The following YIPF2 variants were observed in gnomAD, a reference collection of about 807,000 sequenced individuals.
YIPF2 encodes protein YIPF2.
Under a neutral mutation model 38.8 loss-of-function variants are expected in YIPF2, and 30 were observed. The observed-to-expected ratio is 0.77, with a 90% confidence interval of 0.58 to 1.05. The LOEUF (loss-of-function observed/expected upper bound fraction) is 1.05. Among genes scored for constraint, YIPF2 ranks in the 50% least tolerant of loss-of-function variants. The probability of loss-of-function intolerance (pLI) is 0.00; values close to 1 mark genes in which losing one functional copy is unlikely to be tolerated. For synonymous variants in YIPF2, 194 were observed against 183.8 expected, an observed-to-expected ratio of 1.06 and a Z score of -0.45; for missense variants, 401 against 409.7, an observed-to-expected ratio of 0.98 and a Z score of 0.18.
chr19:10,923,697 A>C lies in YIPF2; in HGVS notation c.652-20T>G, dbSNP rs1189166227. 1 of 1,594,610 alleles carries C rather than the reference A, an allele frequency of 6.3e-7. No individual in the cohort carries two copies. The highest frequency in any genetic ancestry group is 2.3e-5 in the East Asian group (1 of 44,366). On this transcript the variant is annotated intron_variant, in intron 7 of 9. Coordinates refer to ENST00000586748, the MANE Select transcript of YIPF2 (RefSeq NM_001321439.2). ...CAGGACCTGGGAGCAACACGGCGGC[A>C]GGTGACCATGCCAGTCCCCCCAGCC...
intron 7 of YIPF2, 61 bp from the exon 8 acceptor site, chr19:10,923,738 C>G: frequency 6.3e-7 from 1 of 1,577,900 alleles, no homozygotes; most frequent in Non-Finnish European, 8.6e-7. Context: ...CCACTCTGCA[C>G]CAGGCCACCC....
chr19:10,923,713 C>G, intron 7 of YIPF2, 36 bp from the exon 8 acceptor site: 1 of 1,582,192 alleles, frequency 6.3e-7, no homozygotes, highest in Non-Finnish European at 8.6e-7. Flanking sequence ...CCATGCCAGT[C>G]CCCCCAGCCA....
At position 10,923,908 on chromosome 19, in the gene YIPF2, C is replaced by A. The variant is rs772161186; in HGVS notation, c.576G>T (p.Glu192Asp). Residue 192 changes from glutamate to aspartate, a missense_variant, in exon 7 of 10, where the codon GAG (glutamate) becomes GAT (aspartate). Glu to Asp is a conservative substitution (Grantham distance 45, BLOSUM62 2). Transcript: ENST00000586748. ...CCAGGAAGGTGTAGGGCCCCATGCG[C>A]TCCTGGACACCCTTGCGCCACCGCA... ...GFLRWRKGVQERMGPYTFLET... is the reference protein window; with the variant it reads ...GFLRWRKGVQDRMGPYTFLET... 8 of 1,613,230 alleles carry A rather than the reference C, an allele frequency of 5.0e-6. No homozygotes were observed. Among genetic ancestry groups the A allele is most frequent in the Non-Finnish European group, 4.2e-6 (5 of 1,179,712 alleles).
At chr19:10,927,515 G>T in intron 4 of YIPF2, 115 bp downstream of exon 4, 1 of 1,317,078 alleles carries the variant, frequency 7.6e-7, no homozygotes, top group Non-Finnish European at 1.1e-6. Flanking sequence ...AACCCTTTGA[G>T]AGCACCACAG....
At position 10,923,332 on chromosome 19, in the gene YIPF2, C is replaced by A. The variant is rs142260441; in HGVS notation, c.910G>T (p.Ala304Ser). ...PQITSLPSNI[A>S]LSPTLPQSLA... The stretch of plus-strand genomic sequence containing the variant: ...GACTGCGGCAAGGTAGGGGACAGCG[C>A]GATGTTTGAGGGCAGAGATGTGATT... The change falls in exon 9 of 10, where the codon GCG (alanine) becomes TCG (serine). Residue 304 changes from alanine to serine, a missense_variant. Ala to Ser is a moderately conservative substitution (Grantham distance 99). Transcript: ENST00000586748. The A allele has an allele frequency of 6.2e-7, 1 of 1,613,022 alleles. No homozygotes were observed. Among genetic ancestry groups the A allele is most frequent in the African/African-American group, 1.3e-5 (1 of 74,988 alleles).
intron 3 of YIPF2, 41 bp downstream of exon 3, chr19:10,927,758 G>C: frequency 6.2e-7 from 1 of 1,610,826 alleles, no homozygotes; most frequent in Non-Finnish European, 8.5e-7. Flanking sequence ...GAGAGCCTGG[G>C]TCAGCTGGGG....
intron 4 of YIPF2, among the ~76,000 whole-genome samples, chr19:10,926,395 T>G (rs1316310608): frequency 1.3e-5 from 2 of 150,796 alleles, no homozygotes; most frequent in Non-Finnish European, 3.0e-5. Context: ...CCCGGCTAAT[T>G]TTTTGTATTT....
At position 10,923,349 on chromosome 19, in the gene YIPF2, GAT is replaced by G. The variant is rs1378501405; in HGVS notation, c.891_892del (p.Leu299AlafsTer42). ...GGACAGCGCGATGTTTGAGGGCAGAGATGTGATTTGGGGTGGAGGAGCCACGT... is the reference window on the plus strand; with the variant it reads ...GGACAGCGCGATGTTTGAGGGCAGAGGTGATTTGGGGTGGAGGAGCCACGT... On this transcript the variant is annotated frameshift_variant, in exon 9 of 10. Transcript: ENST00000586748. LOFTEE classifies it high-confidence loss of function. 2 of 1,613,250 alleles carry G rather than the reference GAT, an allele frequency of 1.2e-6. No individual in the cohort carries two copies. Among genetic ancestry groups the G allele is most frequent in the Non-Finnish European group, 1.7e-6 (2 of 1,179,660 alleles).
chr19:10,927,601 C>T, intron 4 of YIPF2, 29 bp downstream of exon 4: 1 of 1,610,396 alleles, frequency 6.2e-7, no homozygotes, highest in Non-Finnish European at 8.5e-7. Context: ...TAACTCTGAG[C>T]CCCATCCCAC....
At chr19:10,926,993 C>T (rs1185550745) in intron 4 of YIPF2, among the ~76,000 whole-genome samples, 1 of 152,174 alleles carries the variant, frequency 6.6e-6, no homozygotes, top group Non-Finnish European at 1.5e-5. Context: ...CCTCAGCCTC[C>T]AGAGTAGCTG....
In YIPF2 at chr19:10,923,850, CAA is replaced by C. The variant is rs758263923; in HGVS notation, c.632_633del (p.Phe211CysfsTer42). On this transcript the variant is annotated frameshift_variant, in exon 7 of 10. Transcript: ENST00000586748. LOFTEE classifies it high-confidence loss of function. ...ETVCIYGYSL[F>X]VFIPMVVLWL... ...ACACTCACCACCATGGGGATGAAGA[CAA>C]AGAGGGAGTAGCCGTAGATGCACAC... The C allele has an allele frequency of 7.8e-5, 125 of 1,612,768 alleles. No individual in the cohort carries two copies. The highest frequency in any genetic ancestry group is 1.6e-4 in the Middle Eastern group (1 of 6,082).
Position 10,928,469 on chromosome 19 carries a change from TCCCCCCCGCCCCCGAGCCGGTCCCTC to T in YIPF2, c.-31+16_-30-30del. The stretch of plus-strand genomic sequence containing the variant: ...AGGACAGAGACCGGTCAGGCACACT[TCCCCCCCGCCCCCGAGCCGGTCCCTC>T]GGCCCCCAGCCCTACCTGGCGACCA... On this transcript the variant is annotated intron_variant, in intron 1 of 9. Transcript: ENST00000586748. 7.4e-7 allele frequency: 1 copy of T among 1,350,008 alleles called. No homozygotes were observed. The highest frequency in any genetic ancestry group is 9.5e-7 in the Non-Finnish European group (1 of 1,050,608). 83.6% of individuals were successfully genotyped at this position (1,350,008 alleles called of 1,614,324 possible). A position where few individuals can be genotyped will look rare whatever the true frequency, so the allele number is the denominator to read the frequency against.
chr19:10,924,867 G>A (rs1229952810), intron 5 of YIPF2, among the ~76,000 whole-genome samples: 1 of 149,712 alleles, frequency 6.7e-6, no homozygotes, highest in African/African-American at 2.4e-5. Flanking sequence ...CCATGTGGCC[G>A]CCTCCACCCC....
chr19:10,923,135 G>T lies in YIPF2; in HGVS notation c.*59C>A, dbSNP rs2074289584. On this transcript the variant is annotated 3_prime_UTR_variant, in exon 10 of 10. Transcript: ENST00000586748. ...AAGGAGCCTTCAGTCATCGTCTGGG[G>T]GGCAGGACAGGCAGAGGGGTTGGTC... The T allele has an allele frequency of 3.1e-6, 2 of 648,856 alleles. No homozygotes were observed. Among genetic ancestry groups the T allele is most frequent in the Admixed American group, 3.4e-5 (1 of 29,056 alleles). The allele number at this position is 648,856 out of a possible 1,614,324, so 40.2% of individuals were successfully genotyped here.
Position 10,923,339 on chromosome 19 carries a change from T to G in YIPF2, c.903A>C (p.Ser301=). ...APPPQITSLP[S]NIALSPTLPQ... Reference sequence around the variant, plus strand: ...GCAAGGTAGGGGACAGCGCGATGTTTGAGGGCAGAGATGTGATTTGGGGTG... The same window carrying G: ...GCAAGGTAGGGGACAGCGCGATGTTGGAGGGCAGAGATGTGATTTGGGGTG... Residue 301 remains serine, a synonymous_variant, in exon 9 of 10, where the codon TCA becomes TCC. Coordinates refer to ENST00000586748, the MANE Select transcript of YIPF2 (RefSeq NM_001321439.2). 2 of 1,613,112 alleles carry G rather than the reference T, an allele frequency of 1.2e-6. No individual in the cohort carries two copies. The highest frequency in any genetic ancestry group is 1.7e-6 in the Non-Finnish European group (2 of 1,179,578).
In YIPF2 at chr19:10,923,463, C is replaced by A. The variant is rs370088413; in HGVS notation, c.834+32G>T. 2.2e-5 allele frequency: 36 copies of A among 1,612,766 alleles called. No individual in the cohort carries two copies. The African/African-American group carries it at 4.7e-4, about 21-fold the overall frequency. The stretch of plus-strand genomic sequence containing the variant: ...GCCAGCCCATGCCCCCCTAGCCCCT[C>A]GGCCCCACCTGTGGCCACCCCAGAC... On this transcript the variant is annotated intron_variant, in intron 8 of 9. Coordinates refer to ENST00000586748, the MANE Select transcript of YIPF2 (RefSeq NM_001321439.2).
At chr19:10,923,788 T>C in intron 7 of YIPF2, 45 bp downstream of exon 7, 2 of 1,594,556 alleles carry the variant, frequency 1.3e-6, no homozygotes, top group East Asian at 2.3e-5. Context: ...ACCATGCCAG[T>C]GTCCCCACAC....
Position 10,928,405 on chromosome 19 carries a change from T to A in YIPF2, c.6A>T (p.Ala2=). 2 of 1,334,082 alleles carry A rather than the reference T, an allele frequency of 1.5e-6. No individual in the cohort carries two copies. The highest frequency in any genetic ancestry group is 4.5e-5 in the South Asian group (2 of 44,338). 82.6% of individuals were successfully genotyped at this position (1,334,082 alleles called of 1,614,324 possible). M[A]SADELTFHEF... ...CATGGAAGGTCAGCTCGTCGGCCGA[T>A]GCCATGGTCGTTCAGGGGCGTCTCC... The change falls in exon 2 of 10, where the codon GCA becomes GCT. Residue 2 remains alanine (A), a synonymous_variant. Coordinates refer to ENST00000586748, the MANE Select transcript of YIPF2 (RefSeq NM_001321439.2).
At position 10,923,663 on chromosome 19, in the gene YIPF2, G is replaced by C; in HGVS notation, c.666C>G (p.Ile222Met). The C allele has an allele frequency of 6.2e-7, 1 of 1,609,814 alleles. No individual in the cohort carries two copies. The highest frequency in any genetic ancestry group is 8.5e-7 in the Non-Finnish European group (1 of 1,177,226). The change falls in exon 8 of 10, where the codon ATC becomes ATG. Residue 222 changes from isoleucine (I) to methionine (M), a missense_variant. Transcript: ENST00000586748. Reference sequence around the variant, plus strand: ...AGAGCCACTGCAGCCAAGGCACAGGGATGAGCCACAGGACCTGGGAGCAAC... The same window carrying C: ...AGAGCCACTGCAGCCAAGGCACAGGCATGAGCCACAGGACCTGGGAGCAAC... ...VFIPMVVLWL[I>M]PVPWLQWLFG...
Sources: gnomAD v4.1 joint callset for allele counts (sites outside exome capture counted in the v4.1 genomes callset) on GRCh38, gnomAD v4.1.1 for gene constraint, MANE v1.5 for transcripts, NCBI Gene and HGNC (gene_info 2026-07-23, HGNC 2026-07-21) for gene names.